Variants in EML2 observed in about 807,000 individuals in gnomAD.
EML2 encodes echinoderm microtubule-associated protein-like 2.
In EML2, 59 loss-of-function variants were observed where a neutral mutation model predicts 84.7. The observed-to-expected ratio is 0.70, with a 90% confidence interval of 0.56 to 0.86. EML2 has a LOEUF of 0.86. Ranked by LOEUF, EML2 falls within the 40% of genes least tolerant of loss-of-function variation. The probability of loss-of-function intolerance (pLI) is 0.00; values close to 1 mark genes in which losing one functional copy is unlikely to be tolerated. For synonymous variants in EML2, 352 were observed against 348.9 expected (o/e 1.01, Z -0.10); for missense variants, 818 against 855.6 (o/e 0.96, Z 0.55).
chr19:45,624,774 T>A lies in EML2; in HGVS notation c.786A>T (p.Glu262Asp). 1 of 1,613,878 alleles carries A rather than the reference T, an allele frequency of 6.2e-7. No homozygotes were observed. Among genetic ancestry groups the A allele is most frequent in the Non-Finnish European group, 8.5e-7 (1 of 1,179,924 alleles). Residue 262 changes from glutamate (E) to aspartate (D), a missense_variant, in exon 9 of 19, where the codon GAA becomes GAT. Transcript: ENST00000245925. ...AGTCCCCCGTGACCACGTCGCCACC[T>A]TCCAAAAAGGTCACACACAGCACAT... is the stretch of plus-strand genomic sequence containing the variant. ...PKYVLCVTFL[E>D]GGDVVTGDSG...
intron 17 of EML2, among the ~76,000 whole-genome samples, 183 bp from the exon 18 acceptor site, chr19:45,613,854 C>T (rs1483134188): frequency 6.6e-6 from 1 of 152,120 alleles, no homozygotes; most frequent in African/African-American, 2.4e-5. Flanking sequence ...TAAAACCCTT[C>T]CATGGCTCCC....
chr19:45,645,603 G>T (rs952670504), upstream of EML2: 3 of 643,376 alleles, frequency 4.7e-6, no homozygotes, highest in African/African-American at 3.9e-5. Context: ...CCTAGGTACC[G>T]TCTGGTCCCG....
chr19:45,633,340 C>G (rs1289679285), intron 4 of EML2, among the ~76,000 whole-genome samples: 1 of 152,186 alleles, frequency 6.6e-6, no homozygotes, highest in Non-Finnish European at 1.5e-5. Flanking sequence ...GCCTCTAACT[C>G]AAATGCCAGC....
chr19:45,617,215 C>T (rs1260466101), intron 13 of EML2, among the ~76,000 whole-genome samples: 1 of 149,942 alleles, frequency 6.7e-6, no homozygotes, highest in African/African-American at 2.5e-5. Flanking sequence ...CACCGGACTC[C>T]AGTCTGGGCG....
chr19:45,641,510 T>G, upstream of EML2: 1 of 898,452 alleles, frequency 1.1e-6, no homozygotes. Context: ...TCCAAGGCTC[T>G]GGCACCGTCC....
chr19:45,640,846 T>G (rs1974395546), upstream of EML2: 1 of 152,310 alleles, frequency 6.6e-6, no homozygotes, highest in Admixed American at 6.5e-5. Flanking sequence ...CCTTAGTTTT[T>G]GACTCTGTCC....
upstream of EML2, chr19:45,640,135 GC>G (rs1974285806): frequency 6.6e-6 from 1 of 152,312 alleles, no homozygotes; most frequent in South Asian, 2.1e-4. Flanking sequence ...GAAATGTGCA[GC>G]TTTTGACCTT....
At position 45,639,391 on chromosome 19, in the gene EML2, G is replaced by A; in HGVS notation, c.-15C>T. The A allele has an allele frequency of 1.6e-6, 2 of 1,259,634 alleles. No homozygotes were observed. The highest frequency in any genetic ancestry group is 1.5e-5 in the African/African-American group (1 of 64,568). 78.0% of individuals were successfully genotyped at this position (1,259,634 alleles called of 1,614,324 possible). ...AAGCTACTCATGGCGGCGGGTGGCGGAGCTTCGGGGCCGGGGGTGGAGCCG... is the reference window on the plus strand; with the variant it reads ...AAGCTACTCATGGCGGCGGGTGGCGAAGCTTCGGGGCCGGGGGTGGAGCCG... On this transcript the variant is annotated 5_prime_UTR_variant, in exon 1 of 19. Transcript: ENST00000245925.
intron 1 of EML2, 197 bp from the exon 2 acceptor site, chr19:45,639,070 A>G (rs1349824380): frequency 2.6e-6 from 2 of 775,158 alleles, no homozygotes; most frequent in South Asian, 1.5e-5. Context: ...AGGCCCAGAG[A>G]GGCAGTGATC....
At chr19:45,618,950 G>T in intron 12 of EML2, 110 bp downstream of exon 12, 1 of 992,114 alleles carries the variant, frequency 1.0e-6, no homozygotes, top group Non-Finnish European at 1.3e-6. Flanking sequence ...CCACCTCGAA[G>T]AAAAAAAAAA....
chr19:45,639,352 C>A lies in EML2; in HGVS notation c.20+5G>T. ...GATGGGGGGTGGTCTGCGAAAGGGTCTCACCCAGCTCCAAAGCTACTCATG... is the reference window on the plus strand; with the variant it reads ...GATGGGGGGTGGTCTGCGAAAGGGTATCACCCAGCTCCAAAGCTACTCATG... On this transcript the variant is annotated splice_donor_5th_base_variant and intron_variant, in intron 1 of 18. Coordinates refer to ENST00000245925, the MANE Select transcript of EML2 (RefSeq NM_012155.4). The A allele has an allele frequency of 7.7e-7, 1 of 1,296,792 alleles. No homozygotes were observed. The highest frequency in any genetic ancestry group is 9.8e-7 in the Non-Finnish European group (1 of 1,015,254). 80.3% of individuals were successfully genotyped at this position (1,296,792 alleles called of 1,614,324 possible). A position where few individuals can be genotyped will look rare whatever the true frequency, so the allele number is the denominator to read the frequency against.
chr19:45,639,242 A>G, intron 1 of EML2, 115 bp downstream of exon 1: 3 of 1,094,518 alleles, frequency 2.7e-6, no homozygotes, highest in Non-Finnish European at 3.8e-6. Flanking sequence ...GGGAGAGTTT[A>G]AGGGAAGGGG....
intron 14 of EML2, 66 bp from the exon 15 acceptor site, chr19:45,616,624 G>T (rs112837045): frequency 1.4e-6 from 2 of 1,443,860 alleles, no homozygotes; most frequent in Non-Finnish European, 1.9e-6. Flanking sequence ...CCCAGACTCA[G>T]CCCCCTCAAC....
At chr19:45,637,801 C>T (rs916393958) in intron 3 of EML2, among the ~76,000 whole-genome samples, 1 of 151,506 alleles carries the variant, frequency 6.6e-6, no homozygotes, top group African/African-American at 2.4e-5. Context: ...CTCAGTCTCC[C>T]GAGTAGCTAG....
At chr19:45,625,344 G>A (rs542518431) in intron 8 of EML2, among the ~76,000 whole-genome samples, 256 of 152,326 alleles carry the variant, frequency 1.7e-3, no homozygotes, top group Non-Finnish European at 3.1e-3. Context: ...GGGTTCAAGC[G>A]ATTCTCCCGC....
intron 16 of EML2, 38 bp from the exon 17 acceptor site, chr19:45,614,738 A>AG: frequency 1.3e-6 from 2 of 1,517,812 alleles, no homozygotes; most frequent in Non-Finnish European, 1.8e-6. Context: ...CAGAGTTGGA[A>AG]GAACTACCCA....
At chr19:45,635,543 T>G (rs961015268) in intron 3 of EML2, among the ~76,000 whole-genome samples, 14 of 150,750 alleles carry the variant, frequency 9.3e-5, no homozygotes, top group African/African-American at 3.4e-4. Context: ...AGTGGGCTGA[T>G]GGTCCCCTCC....
chr19:45,610,950 G>T (rs1165839865), intron 18 of EML2, among the ~76,000 whole-genome samples: 12 of 152,208 alleles, frequency 7.9e-5, no homozygotes, highest in South Asian at 2.1e-4. Flanking sequence ...TATTCTACAT[G>T]CTGGGATTTG....
chr19:45,616,302 A>G lies in EML2; in HGVS notation c.1509+159T>C, dbSNP rs1448922277. 7 of 605,922 alleles carry G rather than the reference A, an allele frequency of 1.2e-5. No individual in the cohort carries two copies. The East Asian group carries it at 1.7e-4, about 14-fold the overall frequency. The allele number at this position is 605,922 out of a possible 1,614,324, so 37.5% of individuals were successfully genotyped here. A position where few individuals can be genotyped will look rare whatever the true frequency, so the allele number is the denominator to read the frequency against. On this transcript the variant is annotated intron_variant, in intron 15 of 18. Coordinates refer to ENST00000245925, the MANE Select transcript of EML2 (RefSeq NM_012155.4). Reference sequence around the variant, plus strand: ...ACACAAAGGGGCGGGCTTAGAACACACGAGGTGGTGAATGTGTGGACGTGG... The same window carrying G: ...ACACAAAGGGGCGGGCTTAGAACACGCGAGGTGGTGAATGTGTGGACGTGG...
Sources: allele counts gnomAD v4.1 joint callset (sites outside exome capture counted in the v4.1 genomes callset), GRCh38; gene constraint gnomAD v4.1.1; transcripts MANE v1.5; gene names NCBI Gene and HGNC (gene_info 2026-07-23, HGNC 2026-07-21).